EEF2K: variants seen among roughly 807,000 people sequenced by gnomAD.
EEF2K encodes the protein alternative protein EEF2K.
In EEF2K, 70 loss-of-function variants were observed where a neutral mutation model predicts 93.8. The observed-to-expected ratio is 0.75, with a 90% CI of 0.62 to 0.91. The LOEUF is 0.91. Among genes scored for constraint, EEF2K ranks in the 40% least tolerant of loss-of-function variants. The probability of loss-of-function intolerance (pLI) is 0.00; values close to 1 mark genes in which losing one functional copy is unlikely to be tolerated. For synonymous variants in EEF2K, 376 were observed against 380.8 expected (o/e 0.99, Z 0.15); for missense variants, 935 against 972.9 (o/e 0.96, Z 0.52).
intron 16 of EEF2K, among the ~76,000 whole-genome samples, chr16:22,279,339 GCTATC>G (rs1567291814): frequency 6.6e-6 from 1 of 150,942 alleles, no homozygotes; most frequent in African/African-American, 2.4e-5. Context: ...CTGGGCTCAA[GCTATC>G]CTCCCACCTC....
intron 15 of EEF2K, among the ~76,000 whole-genome samples, chr16:22,267,588 C>T (rs972992573): frequency 1.3e-5 from 2 of 149,968 alleles, no homozygotes; most frequent in African/African-American, 5.0e-5. Flanking sequence ...GAGTGAGATC[C>T]TGTCTCCAAA....
chr16:22,240,465 C>A (rs1330708705), intron 2 of EEF2K, among the ~76,000 whole-genome samples: 1 of 152,034 alleles, frequency 6.6e-6, no homozygotes, highest in Non-Finnish European at 1.5e-5. Flanking sequence ...TTACATTTCC[C>A]AAAAAATATG....
chr16:22,241,720 G>A (rs963373445), intron 2 of EEF2K, among the ~76,000 whole-genome samples: 1 of 151,196 alleles, frequency 6.6e-6, no homozygotes, highest in Non-Finnish European at 1.5e-5. Flanking sequence ...GATGGTATAT[G>A]GTGGATTTGA....
At chr16:22,258,722 CT>C in intron 10 of EEF2K, 27 bp downstream of exon 10, 1 of 1,613,686 alleles carries the variant, frequency 6.2e-7, no homozygotes, top group Non-Finnish European at 8.5e-7. Context: ...TCCCTAGTCA[CT>C]GTGATTGGAG....
Position 22,266,558 on chromosome 16 carries a change from C to T in EEF2K, c.1575+34C>T, listed in dbSNP as rs2047521146. On this transcript the variant is annotated intron_variant, in intron 14 of 17. Transcript: ENST00000263026. ...GATGCCCATTTTGGAGCCCTGTCTG[C>T]ACTAACCTGGAGCCCCCCAGCTCCA... is the stretch of plus-strand genomic sequence containing the variant. 4 of 1,612,016 alleles carry T rather than the reference C, an allele frequency of 2.5e-6. No individual in the cohort carries two copies. The African/African-American group carries it at 4.0e-5, about 16-fold the overall frequency.
chr16:22,217,341 A>G (rs1411512273), intron 1 of EEF2K, among the ~76,000 whole-genome samples: 1 of 151,996 alleles, frequency 6.6e-6, no homozygotes, highest in Non-Finnish European at 1.5e-5. Context: ...GTTGTTCACT[A>G]GAGTTGAGCA....
intron 12 of EEF2K, 71 bp downstream of exon 12, chr16:22,263,258 C>A: frequency 7.0e-7 from 1 of 1,438,042 alleles, no homozygotes; most frequent in South Asian, 1.3e-5. Flanking sequence ...AATGAAAACT[C>A]CCCTTCCTGG....
chr16:22,275,980 C>T (rs888880215), intron 16 of EEF2K, among the ~76,000 whole-genome samples: 1 of 151,702 alleles, frequency 6.6e-6, no homozygotes, highest in Non-Finnish European at 1.5e-5. Context: ...GACAGGGTCT[C>T]TCTGTCACCC....
chr16:22,265,435 C>T (rs1427047348), intron 13 of EEF2K, among the ~76,000 whole-genome samples: 1 of 152,204 alleles, frequency 6.6e-6, no homozygotes, highest in South Asian at 2.1e-4. Flanking sequence ...AGTCCTTTCT[C>T]TCCCTCTGTC....
At chr16:22,220,600 C>T (rs934294131) in intron 1 of EEF2K, among the ~76,000 whole-genome samples, 1 of 152,182 alleles carries the variant, frequency 6.6e-6, no homozygotes, top group Non-Finnish European at 1.5e-5. Context: ...CACACCACCA[C>T]GCCCGGCTAA....
At chr16:22,267,952 G>A (rs1425474457) in intron 15 of EEF2K, among the ~76,000 whole-genome samples, 1 of 152,152 alleles carries the variant, frequency 6.6e-6, no homozygotes, top group Non-Finnish European at 1.5e-5. Flanking sequence ...CCTCCCATCT[G>A]TTCCCATCCT....
intron 4 of EEF2K, 83 bp from the exon 5 acceptor site, chr16:22,250,571 C>A: frequency 1.3e-6 from 2 of 1,545,172 alleles, no homozygotes; most frequent in Non-Finnish European, 1.8e-6. Flanking sequence ...TGATAGGTGG[C>A]ATGTAAGGGG....
chr16:22,264,751 C>T, intron 12 of EEF2K, 67 bp from the exon 13 acceptor site: 2 of 1,578,076 alleles, frequency 1.3e-6, no homozygotes, highest in Non-Finnish European at 1.7e-6. Context: ...GCTGGACCAG[C>T]TCTCAGGAGA....
chr16:22,260,353 A>C, intron 10 of EEF2K, 109 bp from the exon 11 acceptor site: 1 of 1,048,610 alleles, frequency 9.5e-7, no homozygotes, highest in Non-Finnish European at 1.4e-6. Flanking sequence ...TAAAGCTTAA[A>C]AAAAAAAAAA....
At chr16:22,280,663 CTTTTTTTT>C (rs11289061) in intron 17 of EEF2K, among the ~76,000 whole-genome samples, 2 of 130,190 alleles carry the variant, frequency 1.5e-5, no homozygotes, top group Non-Finnish European at 3.3e-5. Flanking sequence ...TCCTTTCTTT[CTTTTTTTT>C]TTTTTTTTTT....
rs1283093791 is a variant in EEF2K at position 22,257,742 on chromosome 16, A to T, written c.1001A>T (p.Asp334Val). The T allele has an allele frequency of 2.0e-5, 32 of 1,613,876 alleles. No individual in the cohort carries two copies. Among genetic ancestry groups the T allele is most frequent in the Non-Finnish European group, 2.5e-5 (29 of 1,180,024 alleles). ...APFDLSPRER[D>V]AVNQNTKLLQ... is the part of the protein sequence containing the mutation. ...TTTGACCTCTCGCCCCGGGAGAGGG[A>T]TGCAGTGAATCAGAACACCAAGCTG... The change falls in exon 9 of 18, where the codon GAT becomes GTT. Residue 334 changes from aspartate to valine, a missense_variant. Coordinates refer to ENST00000263026, the MANE Select transcript of EEF2K (RefSeq NM_013302.5).
intron 1 of EEF2K, among the ~76,000 whole-genome samples, chr16:22,217,466 CAG>C (rs766652370): frequency 1.4e-4 from 22 of 151,906 alleles, no homozygotes; most frequent in Non-Finnish European, 3.1e-4. Context: ...TGGGTTTGGA[CAG>C]AGTCTCACTC....
At chr16:22,249,213 C>A (rs1347172329) in intron 4 of EEF2K, among the ~76,000 whole-genome samples, 1 of 150,900 alleles carries the variant, frequency 6.6e-6, no homozygotes, top group Non-Finnish European at 1.5e-5. Flanking sequence ...TCAAATGATC[C>A]TCCTGCCTTG....
intron 15 of EEF2K, among the ~76,000 whole-genome samples, chr16:22,267,345 CA>C (rs2047534696): frequency 6.6e-6 from 1 of 152,154 alleles, no homozygotes; most frequent in African/African-American, 2.4e-5. Flanking sequence ...GTAATCTCAG[CA>C]CTTTGGGAGG....
Sources: gnomAD v4.1 joint callset for allele counts (sites outside exome capture counted in the v4.1 genomes callset) on GRCh38, gnomAD v4.1.1 for gene constraint, MANE v1.5 for transcripts, NCBI Gene and HGNC (gene_info 2026-07-23, HGNC 2026-07-21) for gene names.